TBC1D12: variants seen among roughly 807,000 people sequenced by gnomAD.
TBC1D12 encodes the protein TBC1 domain family member 12.
TBC1D12 carries 56 observed loss-of-function variants against 86.7 expected under a neutral mutation model. The observed-to-expected ratio is 0.65, with a 90% CI of 0.52 to 0.81. The LOEUF (loss-of-function observed/expected upper bound fraction) is 0.81. TBC1D12 is among the 30% of genes least tolerant of loss of function. TBC1D12 has a pLI of 0.00. For missense variants in TBC1D12, 1,023 were observed against 1,038.8 expected (o/e 0.98, Z 0.21); for synonymous variants, 421 against 411.7 (o/e 1.02, Z -0.27).
Position 94,474,727 on chromosome 10 carries a change from G to A in TBC1D12, c.1155G>A (p.Lys385=). 1 of 1,614,060 alleles carries A rather than the reference G, an allele frequency of 6.2e-7. No homozygotes were observed. The highest frequency in any genetic ancestry group is 8.5e-7 in the Non-Finnish European group (1 of 1,180,002). Residue 385 remains lysine (K), a synonymous_variant, in exon 3 of 13, where the codon AAG becomes AAA. Transcript: ENST00000225235. ...CKPPPQSSRR[K]NFEFEPLSTT... ...CACCACCTCAGTCTTCAAGACGCAA[G>A]AATTTTGAATTTGAGCCGCTTTCTA...
rs2055993044 is a variant in TBC1D12, at chr10:94,476,720, C to G, written c.1211+1937C>G. On this transcript the variant is annotated intron_variant, in intron 3 of 12. Transcript: ENST00000225235. Reference sequence around the variant, plus strand: ...AGAAAGCGTTTATGAAAATATCACTCAAAAAGTTCTATTCTAGACGGTGTT... The same window carrying G: ...AGAAAGCGTTTATGAAAATATCACTGAAAAAGTTCTATTCTAGACGGTGTT... Among the ~76,000 whole-genome samples, 4 of 152,250 alleles carry G rather than the reference C, an allele frequency of 2.6e-5. No homozygotes were observed. In the South Asian group the frequency reaches 8.3e-4, roughly 32 times the overall value.
At chr10:94,494,232 A>G (rs1370310596) in intron 4 of TBC1D12, among the ~76,000 whole-genome samples, 5 of 152,134 alleles carry the variant, frequency 3.3e-5, no homozygotes, top group Non-Finnish European at 4.4e-5. Context: ...GACAGTTGTT[A>G]TTTCAGGATA....
At chr10:94,450,156 G>T (rs369197109) in intron 2 of TBC1D12, among the ~76,000 whole-genome samples, 1 of 152,014 alleles carries the variant, frequency 6.6e-6, no homozygotes, top group East Asian at 1.9e-4. Context: ...GTATAATTTA[G>T]GTTCTTGGTG....
intron 1 of TBC1D12, among the ~76,000 whole-genome samples, chr10:94,405,361 A>AT (rs1394860283): frequency 1.3e-5 from 2 of 152,076 alleles, no homozygotes; most frequent in South Asian, 2.1e-4. Flanking sequence ...GTTTATCCTT[A>AT]TTTTTTTGCT....
chr10:94,451,997 A>G (rs977655621), intron 2 of TBC1D12, among the ~76,000 whole-genome samples: 6 of 151,880 alleles, frequency 4.0e-5, no homozygotes, highest in Non-Finnish European at 8.8e-5. Flanking sequence ...AACTATGATC[A>G]GTCACAGTTA....
Position 94,535,097 on chromosome 10 carries a change from A to G in TBC1D12, c.*2001A>G, listed in dbSNP as rs1257348464. 8 of 152,160 alleles carry G rather than the reference A, an allele frequency of 5.3e-5. No homozygotes were observed. The highest frequency in any genetic ancestry group is 6.6e-5 in the Admixed American group (1 of 15,264). The allele number at this position is 152,160 out of a possible 1,614,324, so 9.4% of individuals were successfully genotyped here. ...TCATAGAATTAGTTAAATGTAGTCA[A>G]CAGCAATGTCAGAACAATTGACATT... On this transcript the variant is annotated 3_prime_UTR_variant, in exon 13 of 13. Coordinates refer to ENST00000225235, the MANE Select transcript of TBC1D12 (RefSeq NM_015188.2).
intron 1 of TBC1D12, among the ~76,000 whole-genome samples, chr10:94,410,640 A>C (rs1451516737): frequency 6.6e-6 from 1 of 152,158 alleles, no homozygotes; most frequent in Non-Finnish European, 1.5e-5. Context: ...TCAGATAGCT[A>C]ATTAATGTAA....
intron 5 of TBC1D12, 52 bp from the exon 6 acceptor site, chr10:94,500,169 A>G: frequency 2.0e-6 from 3 of 1,529,060 alleles, no homozygotes; most frequent in Non-Finnish European, 2.7e-6. Context: ...TGCAACTAGT[A>G]TTTTTGGTAT....
At chr10:94,494,031 A>G (rs1483631075) in intron 4 of TBC1D12, among the ~76,000 whole-genome samples, 3 of 151,872 alleles carry the variant, frequency 2.0e-5, no homozygotes, top group Admixed American at 6.6e-5. Context: ...TTAACTTTCT[A>G]TATGGCTGTG....
At chr10:94,521,230 A>C (rs1412036929) in intron 9 of TBC1D12, among the ~76,000 whole-genome samples, 6 of 142,494 alleles carry the variant, frequency 4.2e-5, no homozygotes, top group South Asian at 2.2e-4. Context: ...CCAAAAAAAA[A>C]AAAAAAACAA....
chr10:94,533,019 A>G lies in TBC1D12; in HGVS notation c.2260-9A>G. On this transcript the variant is annotated splice_polypyrimidine_tract_variant and intron_variant, in intron 12 of 12. Transcript: ENST00000225235. ...TTGAGGATTAATCTTTATTTTATATAATTTTCAGGTCTTTGCATCTGTAAT... is the reference window on the plus strand; with the variant it reads ...TTGAGGATTAATCTTTATTTTATATGATTTTCAGGTCTTTGCATCTGTAAT... 3 of 1,494,396 alleles carry G rather than the reference A, an allele frequency of 2.0e-6. No individual in the cohort carries two copies. The highest frequency in any genetic ancestry group is 1.8e-4 in the Middle Eastern group (1 of 5,550). The allele number at this position is 1,494,396 out of a possible 1,614,324, so 92.6% of individuals were successfully genotyped here.
intron 4 of TBC1D12, among the ~76,000 whole-genome samples, chr10:94,495,516 A>G (rs1323163394): frequency 6.6e-6 from 1 of 152,162 alleles, no homozygotes; most frequent in Non-Finnish European, 1.5e-5. Flanking sequence ...TATGATTACT[A>G]TGTAAGATAA....
intron 2 of TBC1D12, among the ~76,000 whole-genome samples, chr10:94,457,300 C>T (rs536137852): frequency 1.3e-5 from 2 of 152,226 alleles, no homozygotes; most frequent in South Asian, 4.1e-4. Context: ...TGTTCTTCTC[C>T]CTGTATCCAT....
At chr10:94,471,107 C>T (rs1312398282) in intron 2 of TBC1D12, among the ~76,000 whole-genome samples, 2 of 151,968 alleles carry the variant, frequency 1.3e-5, no homozygotes, top group Non-Finnish European at 2.9e-5. Flanking sequence ...GAAACCCTGT[C>T]TCTATGAAAA....
At chr10:94,520,305 C>A (rs1291357647) in intron 9 of TBC1D12, among the ~76,000 whole-genome samples, 1 of 151,908 alleles carries the variant, frequency 6.6e-6, no homozygotes, top group African/African-American at 2.4e-5. Context: ...GTAATCCCAG[C>A]ACTTTGGGAG....
At chr10:94,446,324 C>G (rs1036975680) in intron 2 of TBC1D12, among the ~76,000 whole-genome samples, 3 of 152,138 alleles carry the variant, frequency 2.0e-5, no homozygotes, top group Non-Finnish European at 4.4e-5. Flanking sequence ...TGTTAGGACA[C>G]TTCTGTCATG....
At chr10:94,421,804 G>C (rs1447502737) in intron 1 of TBC1D12, among the ~76,000 whole-genome samples, 2 of 152,078 alleles carry the variant, frequency 1.3e-5, no homozygotes, top group African/African-American at 4.8e-5. Flanking sequence ...TATTCATGTT[G>C]TTGTTGCCCA....
chr10:94,468,750 T>C (rs1015339891), intron 2 of TBC1D12, among the ~76,000 whole-genome samples: 10 of 152,190 alleles, frequency 6.6e-5, no homozygotes, highest in Admixed American at 5.2e-4. Context: ...ATTATTGTCT[T>C]AAATATTGTT....
chr10:94,502,240 G>A (rs1201501910), intron 6 of TBC1D12, among the ~76,000 whole-genome samples: 1 of 152,014 alleles, frequency 6.6e-6, no homozygotes, highest in Non-Finnish European at 1.5e-5. Flanking sequence ...GCTGAGGCAG[G>A]AGAATCGCTT....
Sources: allele counts gnomAD v4.1 joint callset (sites outside exome capture counted in the v4.1 genomes callset), GRCh38; gene constraint gnomAD v4.1.1; transcripts MANE v1.5; gene names NCBI Gene and HGNC (gene_info 2026-07-23, HGNC 2026-07-21).